PPM1L: variants seen among roughly 807,000 people sequenced by gnomAD.
PPM1L encodes the protein protein phosphatase 1L.
A neutral mutation model predicts 31.4 loss-of-function variants in PPM1L; 13 were observed. The ratio of observed to expected loss-of-function variants is 0.41; its 90% CI spans 0.27 to 0.66. PPM1L has a LOEUF of 0.66. PPM1L is among the 30% of genes least tolerant of loss of function. PPM1L has a pLI of 0.29. For missense variants in PPM1L, 326 were observed against 453.7 expected (o/e 0.72, Z 2.56); for synonymous variants, 184 against 175.4 (o/e 1.05, Z -0.39).
At chr3:160,947,503 G>A (rs570658048) in intron 1 of PPM1L, among the ~76,000 whole-genome samples, 2 of 152,064 alleles carry the variant, frequency 1.3e-5, no homozygotes, top group African/African-American at 4.8e-5. Flanking sequence ...ACTCTCTCAG[G>A]AAACCCTCTT....
chr3:160,787,059 C>T (rs1378010108), intron 1 of PPM1L, among the ~76,000 whole-genome samples: 2 of 151,994 alleles, frequency 1.3e-5, no homozygotes, highest in South Asian at 2.1e-4. Context: ...GTGCTGCAGT[C>T]GACACACACA....
At chr3:160,979,165 A>G (rs532818557) in intron 2 of PPM1L, among the ~76,000 whole-genome samples, 1 of 152,174 alleles carries the variant, frequency 6.6e-6, no homozygotes, top group East Asian at 1.9e-4. Context: ...TGGGCCCTTC[A>G]ACCTGAGTAG....
chr3:160,792,159 A>G (rs114817710), intron 1 of PPM1L, among the ~76,000 whole-genome samples: 2,588 of 152,310 alleles, frequency 0.017, 71 homozygotes, highest in African/African-American at 0.059. Context: ...GTAGATTAAA[A>G]GTCAAAGTGA....
chr3:161,007,413 A>G (rs1391586928), intron 2 of PPM1L, among the ~76,000 whole-genome samples: 2 of 152,254 alleles, frequency 1.3e-5, no homozygotes, highest in Non-Finnish European at 2.9e-5. Flanking sequence ...GCCCAGAGGC[A>G]GGAACAGCTT....
intron 2 of PPM1L, among the ~76,000 whole-genome samples, chr3:160,969,294 C>T (rs934264771): frequency 6.6e-6 from 1 of 152,176 alleles, no homozygotes; most frequent in Non-Finnish European, 1.5e-5. Flanking sequence ...CTCTAAGCAG[C>T]TTAGGAAGTA....
intron 1 of PPM1L, among the ~76,000 whole-genome samples, chr3:160,867,544 C>T (rs1317121201): frequency 3.3e-5 from 5 of 152,028 alleles, no homozygotes; most frequent in Non-Finnish European, 4.4e-5. Context: ...TCCTTTCCCT[C>T]CTTTTTCCTT....
At chr3:160,868,868 A>G (rs771644883) in intron 1 of PPM1L, among the ~76,000 whole-genome samples, 14 of 152,232 alleles carry the variant, frequency 9.2e-5, no homozygotes, top group Non-Finnish European at 2.1e-4. Context: ...CTCCTATGCA[A>G]CTGGATACAA....
chr3:160,823,071 AG>A (rs1713249997), intron 1 of PPM1L, among the ~76,000 whole-genome samples: 3 of 152,196 alleles, frequency 2.0e-5, no homozygotes, highest in Admixed American at 2.0e-4. Flanking sequence ...TTATCTCAAG[AG>A]GAAAAAAAAG....
chr3:161,046,995 C>G (rs1219143660), intron 2 of PPM1L, among the ~76,000 whole-genome samples: 1 of 152,110 alleles, frequency 6.6e-6, no homozygotes, highest in Non-Finnish European at 1.5e-5. Flanking sequence ...ACTGAATGGG[C>G]AAAATCTGGA....
At chr3:160,767,660 C>T (rs542884788) in intron 1 of PPM1L, among the ~76,000 whole-genome samples, 4 of 152,090 alleles carry the variant, frequency 2.6e-5, no homozygotes, top group Non-Finnish European at 4.4e-5. Flanking sequence ...AAATTTTGGT[C>T]ATTATAAATG....
At chr3:160,944,268 C>T (rs1260281852) in intron 1 of PPM1L, among the ~76,000 whole-genome samples, 1 of 151,874 alleles carries the variant, frequency 6.6e-6, no homozygotes, top group Non-Finnish European at 1.5e-5. Flanking sequence ...TCTTTGGGGC[C>T]TTGTTAATTT....
intron 2 of PPM1L, among the ~76,000 whole-genome samples, chr3:161,013,379 A>G (rs1306930531): frequency 3.9e-5 from 6 of 152,102 alleles, no homozygotes; most frequent in Non-Finnish European, 5.9e-5. Flanking sequence ...TTGCACTGTG[A>G]TCTGAGAGAC....
intron 1 of PPM1L, among the ~76,000 whole-genome samples, chr3:160,816,946 T>C (rs991741637): frequency 1.3e-5 from 2 of 152,142 alleles, no homozygotes; most frequent in African/African-American, 4.8e-5. Flanking sequence ...TGATCAATAA[T>C]CTCTTTAGTT....
intron 1 of PPM1L, among the ~76,000 whole-genome samples, chr3:160,883,267 C>T (rs1038859377): frequency 2.6e-5 from 4 of 151,990 alleles, no homozygotes; most frequent in Non-Finnish European, 5.9e-5. Flanking sequence ...TTTTACCTGA[C>T]AGTGCTATAT....
At chr3:160,948,090 C>T (rs1715466496) in intron 1 of PPM1L, among the ~76,000 whole-genome samples, 1 of 152,054 alleles carries the variant, frequency 6.6e-6, no homozygotes, top group Admixed American at 6.6e-5. Context: ...AGTCGACATC[C>T]AATAAATATT....
intron 2 of PPM1L, among the ~76,000 whole-genome samples, chr3:160,968,539 T>A (rs954369655): frequency 3.3e-5 from 5 of 152,268 alleles, no homozygotes; most frequent in Non-Finnish European, 7.3e-5. Flanking sequence ...TGGAGTATTA[T>A]TTATGTTTCT....
chr3:160,894,164 A>G (rs1042623423), intron 1 of PPM1L, among the ~76,000 whole-genome samples: 1 of 152,210 alleles, frequency 6.6e-6, no homozygotes, highest in African/African-American at 2.4e-5. Flanking sequence ...TAAGACCTCT[A>G]CAAAAAACAT....
chr3:161,001,200 G>T (rs531074423), intron 2 of PPM1L, among the ~76,000 whole-genome samples: 9 of 152,240 alleles, frequency 5.9e-5, no homozygotes, highest in African/African-American at 2.2e-4. Flanking sequence ...CTATGGGCTA[G>T]ATTGCAAAAC....
Position 161,071,692 on chromosome 3 carries a change from C to G in PPM1L, c.*2535C>G, listed in dbSNP as rs549339966. On this transcript the variant is annotated 3_prime_UTR_variant, in exon 4 of 4. Transcript: ENST00000498165. ...TTGTTAGGATAGTTATATCTAAAATCAGAGTATTTTGTTCCCTTCCTTCTG... is the reference window on the plus strand; with the variant it reads ...TTGTTAGGATAGTTATATCTAAAATGAGAGTATTTTGTTCCCTTCCTTCTG... 6.6e-6 allele frequency: 1 copy of G among 152,260 alleles called. No individual in the cohort carries two copies. The highest frequency in any genetic ancestry group is 1.9e-4 in the East Asian group (1 of 5,180). The allele number at this position is 152,260 out of a possible 1,614,324, so 9.4% of individuals were successfully genotyped here. A position where few individuals can be genotyped will look rare whatever the true frequency, so the allele number is the denominator to read the frequency against.
Sources: allele counts gnomAD v4.1 joint callset (sites outside exome capture counted in the v4.1 genomes callset), GRCh38; gene constraint gnomAD v4.1.1; transcripts MANE v1.5; gene names NCBI Gene and HGNC (gene_info 2026-07-23, HGNC 2026-07-21).